RAB27A: variants seen among roughly 807,000 people sequenced by gnomAD.
The protein encoded by RAB27A is ras-related protein Rab-27A.
In RAB27A, 17 loss-of-function variants were observed where a neutral mutation model predicts 20.8. That is an observed-to-expected ratio of 0.82 (90% CI 0.56 to 1.23). The LOEUF is 1.23. Among genes scored for constraint, RAB27A ranks in the 50% most tolerant of loss-of-function variants. The probability of loss-of-function intolerance (pLI) is 0.00; values close to 1 mark genes in which losing one functional copy is unlikely to be tolerated. For missense variants in RAB27A, 277 were observed against 266.7 expected (o/e 1.04, Z -0.27); for synonymous variants, 85 against 92.8 (o/e 0.92, Z 0.48).
At chr15:55,271,711 T>C (rs1371201744) in intron 1 of RAB27A, among the ~76,000 whole-genome samples, 1 of 152,264 alleles carries the variant, frequency 6.6e-6, no homozygotes, top group African/African-American at 2.4e-5. Flanking sequence ...AATCACTTAT[T>C]GAGCACTTAT....
chr15:55,301,234 A>G (rs530822375), intron 2 of RAB27A, among the ~76,000 whole-genome samples: 1 of 152,336 alleles, frequency 6.6e-6, no homozygotes, highest in South Asian at 2.1e-4. Context: ...CTGGGATCAC[A>G]GGCACAAACT....
intron 1 of RAB27A, among the ~76,000 whole-genome samples, chr15:55,274,653 C>G (rs529735425): frequency 1.3e-5 from 2 of 151,350 alleles, no homozygotes; most frequent in Admixed American, 6.6e-5. Flanking sequence ...TGGCAGGTGC[C>G]TGTAATCCCA....
At chr15:55,305,998 A>T (rs2054995072) in intron 2 of RAB27A, among the ~76,000 whole-genome samples, 1 of 151,390 alleles carries the variant, frequency 6.6e-6, no homozygotes, top group Admixed American at 6.6e-5. Context: ...GTAGATGGTC[A>T]TGGGGGGCAC....
chr15:55,223,381 C>T (rs147884733), intron 6 of RAB27A, among the ~76,000 whole-genome samples: 4,326 of 151,868 alleles, frequency 0.028, 116 homozygotes, highest in Middle Eastern at 0.054. Flanking sequence ...TGATGGTGGA[C>T]TCCTGTAGTC....
chr15:55,214,950 C>A (rs145486097), intron 6 of RAB27A, among the ~76,000 whole-genome samples: 22 of 152,136 alleles, frequency 1.4e-4, no homozygotes, highest in Admixed American at 2.6e-4. Context: ...CAATTATATC[C>A]ATTAAAAATC....
intron 6 of RAB27A, among the ~76,000 whole-genome samples, chr15:55,212,588 G>T (rs1191665638): frequency 6.8e-6 from 1 of 148,008 alleles, no homozygotes; most frequent in Non-Finnish European, 1.5e-5. Context: ...GGAGTGCAGT[G>T]GCGCCATCCT....
intron 2 of RAB27A, among the ~76,000 whole-genome samples, chr15:55,260,434 G>C (rs976072669): frequency 6.6e-6 from 1 of 152,122 alleles, no homozygotes; most frequent in African/African-American, 2.4e-5. Flanking sequence ...ACATTCTTTG[G>C]TATTTACCCA....
intron 2 of RAB27A, among the ~76,000 whole-genome samples, chr15:55,254,979 C>T (rs1218854532): frequency 2.0e-5 from 3 of 152,158 alleles, no homozygotes; most frequent in Non-Finnish European, 4.4e-5. Flanking sequence ...CACAAAAATA[C>T]GTTAAAGGAG....
intron 6 of RAB27A, among the ~76,000 whole-genome samples, chr15:55,206,811 A>G (rs1357089126): frequency 6.6e-6 from 1 of 152,194 alleles, no homozygotes; most frequent in Non-Finnish European, 1.5e-5. Context: ...ACCACAGAGA[A>G]TAAGTTTGAT....
chr15:55,250,747 T>C (rs1165262514), intron 2 of RAB27A, among the ~76,000 whole-genome samples: 1 of 152,240 alleles, frequency 6.6e-6, no homozygotes, highest in African/African-American at 2.4e-5. Context: ...TTCTTTTTCA[T>C]AGCAGATGAG....
chr15:55,285,377 A>G (rs1898123805), intron 1 of RAB27A, among the ~76,000 whole-genome samples: 1 of 152,158 alleles, frequency 6.6e-6, no homozygotes, highest in Non-Finnish European at 1.5e-5. Context: ...AGAGGCATCT[A>G]ATTTTACTTG....
chr15:55,291,525 A>G (rs1898310195), upstream of RAB27A, among the ~76,000 whole-genome samples: 1 of 135,056 alleles, frequency 7.4e-6, no homozygotes, highest in African/African-American at 2.6e-5. Context: ...AAAAAAAAAA[A>G]AAAAAAAAAA....
intron 2 of RAB27A, among the ~76,000 whole-genome samples, chr15:55,313,787 C>G (rs1424798286): frequency 6.6e-6 from 1 of 152,000 alleles, no homozygotes; most frequent in Admixed American, 6.6e-5. Context: ...TCCTGGCTGA[C>G]ATGGTGAAGC....
chr15:55,210,416 T>TTTTC (rs1566897464), intron 6 of RAB27A, among the ~76,000 whole-genome samples: 1 of 145,718 alleles, frequency 6.9e-6, no homozygotes, highest in African/African-American at 2.7e-5. Flanking sequence ...GGTGTGGTTT[T>TTTTC]TTTTTTTTTG....
intron 2 of RAB27A, among the ~76,000 whole-genome samples, chr15:55,255,154 G>A (rs1473769260): frequency 6.6e-6 from 1 of 152,144 alleles, no homozygotes; most frequent in Non-Finnish European, 1.5e-5. Flanking sequence ...TGTTTCAACG[G>A]CAACATCCTC....
chr15:55,269,716 G>C (rs1203892401), intron 2 of RAB27A: 1 of 152,176 alleles, frequency 6.6e-6, no homozygotes. Context: ...ACTCAAGCCT[G>C]GGCGACAGAG....
intron 6 of RAB27A, among the ~76,000 whole-genome samples, chr15:55,222,180 T>C (rs1895601866): frequency 6.6e-6 from 1 of 152,088 alleles, no homozygotes; most frequent in Non-Finnish European, 1.5e-5. Context: ...AGCCCAGACA[T>C]GAGAATGTGT....
chr15:55,312,741 A>T (rs1033720009), intron 2 of RAB27A, among the ~76,000 whole-genome samples: 7 of 152,296 alleles, frequency 4.6e-5, no homozygotes, highest in African/African-American at 1.4e-4. Flanking sequence ...AGCTTACTTT[A>T]ACTTGATGTG....
At chr15:55,230,271 T>C in intron 4 of RAB27A, 130 bp downstream of exon 4, 2 of 837,090 alleles carry the variant, frequency 2.4e-6, no homozygotes, top group Non-Finnish European at 4.1e-6. Flanking sequence ...ACAAATTTCC[T>C]GCTAATTTGG....
Sources: allele counts gnomAD v4.1 joint callset (sites outside exome capture counted in the v4.1 genomes callset), GRCh38; gene constraint gnomAD v4.1.1; transcripts MANE v1.5; gene names NCBI Gene and HGNC (gene_info 2026-07-23, HGNC 2026-07-21).